Variants in CCDC57 observed in about 807,000 individuals in gnomAD.
CCDC57 encodes the protein coiled-coil domain containing 57.
CCDC57 carries 118 observed loss-of-function variants against 118.9 expected under a neutral mutation model. The ratio of observed to expected loss-of-function variants is 0.99; its 90% CI spans 0.86 to 1.16. The LOEUF (loss-of-function observed/expected upper bound fraction) is 1.16. CCDC57 is among the 50% of genes most tolerant of loss of function. CCDC57 has a pLI of 0.00. For synonymous variants in CCDC57, 527 were observed against 532.9 expected (o/e 0.99, Z 0.15); for missense variants, 1,300 against 1,320.7 (o/e 0.98, Z 0.24).
chr17:82,175,830 G>A (rs927607531), intron 11 of CCDC57, among the ~76,000 whole-genome samples: 1 of 152,182 alleles, frequency 6.6e-6, no homozygotes, highest in Admixed American at 6.5e-5. Flanking sequence ...TAACCACAGG[G>A]AGATTCTGAG....
At chr17:82,124,992 G>A (rs542997912) in intron 19 of CCDC57, among the ~76,000 whole-genome samples, 17 of 152,308 alleles carry the variant, frequency 1.1e-4, no homozygotes, top group African/African-American at 4.1e-4. Flanking sequence ...TAAGAATCCT[G>A]AGCACAGAGG....
At chr17:82,110,608 C>T (rs545669066) in intron 19 of CCDC57, among the ~76,000 whole-genome samples, 21 of 152,342 alleles carry the variant, frequency 1.4e-4, no homozygotes, top group Non-Finnish European at 2.2e-4. Context: ...GAGCAAGTCT[C>T]AATTCATTTC....
chr17:82,108,247 C>A (rs866629006), intron 19 of CCDC57, among the ~76,000 whole-genome samples: 5 of 152,242 alleles, frequency 3.3e-5, no homozygotes, highest in African/African-American at 9.6e-5. Flanking sequence ...AGATGAGTGT[C>A]ATGGCTTGCC....
chr17:82,115,411 T>C (rs913599831), intron 19 of CCDC57, among the ~76,000 whole-genome samples: 1 of 152,142 alleles, frequency 6.6e-6, no homozygotes, highest in African/African-American at 2.4e-5. Context: ...AATGCTCTAA[T>C]TCTACAAACA....
At chr17:82,203,064 G>A (rs975365900) in intron 2 of CCDC57, among the ~76,000 whole-genome samples, 4 of 152,224 alleles carry the variant, frequency 2.6e-5, no homozygotes, top group African/African-American at 4.8e-5. Flanking sequence ...GGGGGAGCTG[G>A]GGCCTGGTGG....
At chr17:82,184,037 A>T (rs868349121) in intron 8 of CCDC57, 105 bp from the exon 8 acceptor site, 5 of 319,446 alleles carry the variant, frequency 1.6e-5, no homozygotes, top group Non-Finnish European at 1.9e-5. Context: ...GCGCGCACAC[A>T]CACACACACA....
intron 13 of CCDC57, among the ~76,000 whole-genome samples, chr17:82,165,271 G>A (rs750524595): frequency 1.4e-4 from 21 of 152,156 alleles, no homozygotes; most frequent in East Asian, 3.8e-4. Flanking sequence ...TTAACCCGAC[G>A]GAGCCCCTAC....
chr17:82,156,182 T>G (rs774897838), intron 15 of CCDC57: 2 of 151,750 alleles, frequency 1.3e-5, no homozygotes, highest in Admixed American at 1.3e-4. Context: ...TCCCAGCTAC[T>G]CAGGGGGCTG....
chr17:82,115,230 C>T (rs1267512507), intron 19 of CCDC57, among the ~76,000 whole-genome samples: 1 of 150,268 alleles, frequency 6.7e-6, no homozygotes, highest in Non-Finnish European at 1.5e-5. Context: ...CCTGTGTGAT[C>T]TCCAGCGGAG....
intron 19 of CCDC57, 108 bp downstream of exon 18, chr17:82,127,584 C>T: frequency 1.4e-6 from 2 of 1,462,072 alleles, no homozygotes; most frequent in Non-Finnish European, 1.8e-6. Flanking sequence ...GCAGGGATTT[C>T]AGGGTGCAGG....
chr17:82,116,102 C>CTT (rs34960755), intron 19 of CCDC57, among the ~76,000 whole-genome samples: 56,546 of 127,392 alleles, frequency 0.44, 13,336 homozygotes, highest in Non-Finnish European at 0.54. Context: ...CGGCCACAAC[C>CTT]TTTTTTTTTT....
chr17:82,173,910 T>C lies in CCDC57; in HGVS notation c.1507-1050A>G, dbSNP rs79936431. Among the ~76,000 whole-genome samples the C allele has an allele frequency of 2.6e-5, 4 of 152,312 alleles. No individual in the cohort carries two copies. In the East Asian group the frequency reaches 7.7e-4, roughly 29 times the overall value. Reference sequence around the variant, plus strand: ...TCTAACCAAAGGTGAGGGGCGCTTCTGCCTCTGACCAGGAGGGACTCACTG... The same window carrying C: ...TCTAACCAAAGGTGAGGGGCGCTTCCGCCTCTGACCAGGAGGGACTCACTG... On this transcript the variant is annotated intron_variant, in intron 11 of 19. Transcript: ENST00000665763.
chr17:82,185,384 G>A (rs1351052236), intron 8 of CCDC57, among the ~76,000 whole-genome samples: 3 of 152,016 alleles, frequency 2.0e-5, no homozygotes, highest in Admixed American at 2.0e-4. Context: ...TTGGGAGGCC[G>A]AGGCAGGCAG....
intron 19 of CCDC57, among the ~76,000 whole-genome samples, chr17:82,116,071 A>G (rs1459620623): frequency 3.4e-5 from 5 of 147,154 alleles, no homozygotes; most frequent in Non-Finnish European, 7.5e-5. Context: ...TGCTGGGATT[A>G]CAGGCGTGAG....
chr17:82,153,328 A>C (rs2042290646), intron 15 of CCDC57: 1 of 152,268 alleles, frequency 6.6e-6, no homozygotes, highest in African/African-American at 2.4e-5. Context: ...ATTTTAACTG[A>C]AGAAAGAACA....
At chr17:82,201,453 G>A in intron 3 of CCDC57, 85 bp downstream of exon 2, 9 of 1,427,708 alleles carry the variant, frequency 6.3e-6, no homozygotes, top group Non-Finnish European at 8.3e-6. Context: ...AGAGTGGGCA[G>A]TGCTCGGGCA....
intron 3 of CCDC57, among the ~76,000 whole-genome samples, chr17:82,199,365 C>G (rs2048704698): frequency 6.6e-6 from 1 of 151,244 alleles, no homozygotes; most frequent in African/African-American, 2.4e-5. Context: ...GTAGTGACAG[C>G]TCCTCGGGAG....
chr17:82,154,192 G>A (rs1233053153), intron 15 of CCDC57: 1 of 152,364 alleles, frequency 6.6e-6, no homozygotes, highest in Non-Finnish European at 1.5e-5. Flanking sequence ...CAGGCTGTGC[G>A]GCTCAGCCCA....
chr17:82,192,641 C>T lies in CCDC57; in HGVS notation c.851+1115G>A, dbSNP rs2047813539. ...ACTGTGTCTGTTTGGGCTCGACTGCCTCGGTTTCCTCATCTAGGTAGAGAA... is the reference window on the plus strand; with the variant it reads ...ACTGTGTCTGTTTGGGCTCGACTGCTTCGGTTTCCTCATCTAGGTAGAGAA... On this transcript the variant is annotated intron_variant, in intron 7 of 19. Coordinates refer to ENST00000665763, the Ensembl canonical transcript of CCDC57. This position sits in a 1 kb window ranked among gnomAD's most constrained non-coding sequence, Gnocchi z 4.0. 6.6e-6 allele frequency among the ~76,000 whole-genome samples: 1 copy of T among 152,204 alleles called. No individual in the cohort carries two copies. Among genetic ancestry groups the T allele is most frequent in the Non-Finnish European group, 1.5e-5 (1 of 68,038 alleles).
Sources: gnomAD v4.1 joint callset for allele counts (sites outside exome capture counted in the v4.1 genomes callset) on GRCh38, gnomAD v4.1.1 for gene constraint, Gnocchi (gnomAD v3.1) non-coding constraint, MANE v1.5 for transcripts, NCBI Gene and HGNC (gene_info 2026-07-23, HGNC 2026-07-21) for gene names.